Variants in KCNJ3 observed in about 807,000 individuals in gnomAD.
KCNJ3 encodes the protein potassium inwardly rectifying channel subfamily J member 3, also known as G protein-activated inward rectifier potassium channel 1.
A neutral mutation model predicts 39.2 loss-of-function variants in KCNJ3; 4 were observed. The ratio of observed to expected loss-of-function variants is 0.10; its 90% confidence interval spans 0.05 to 0.23. The LOEUF (loss-of-function observed/expected upper bound fraction) is 0.23. Ranked by LOEUF, KCNJ3 falls within the 10% of genes least tolerant of loss-of-function variation. The probability of loss-of-function intolerance (pLI) is 1.00; values close to 1 mark genes in which losing one functional copy is unlikely to be tolerated. For synonymous variants in KCNJ3, 230 were observed against 237.4 expected, an observed-to-expected ratio of 0.97 and a Z score of 0.29; for missense variants, 276 against 634.9, an observed-to-expected ratio of 0.43 and a Z score of 6.08.
intron 2 of KCNJ3, among the ~76,000 whole-genome samples, chr2:154,736,084 T>C (rs1685524062): frequency 6.6e-6 from 1 of 152,156 alleles, no homozygotes; most frequent in East Asian, 1.9e-4. Context: ...CTTTCCTTTC[T>C]GGAAACTTGC....
chr2:154,842,492 C>A (rs1687591941), intron 2 of KCNJ3, among the ~76,000 whole-genome samples: 1 of 152,094 alleles, frequency 6.6e-6, no homozygotes, highest in Non-Finnish European at 1.5e-5. Context: ...TCCTGGATAT[C>A]CTTGTTAACC....
At chr2:154,780,149 T>C (rs549481263) in intron 2 of KCNJ3, among the ~76,000 whole-genome samples, 1 of 152,276 alleles carries the variant, frequency 6.6e-6, no homozygotes, top group South Asian at 2.1e-4. Flanking sequence ...GAGGAGTTTT[T>C]GAGACACACT....
intron 2 of KCNJ3, among the ~76,000 whole-genome samples, chr2:154,730,500 T>C (rs970406661): frequency 4.6e-5 from 7 of 152,192 alleles, no homozygotes; most frequent in African/African-American, 1.7e-4. Flanking sequence ...TTTAGTATTT[T>C]TCCCATAAAA....
At chr2:154,853,905 A>G (rs1687797562) in intron 2 of KCNJ3, among the ~76,000 whole-genome samples, 1 of 152,198 alleles carries the variant, frequency 6.6e-6, no homozygotes, top group South Asian at 2.1e-4. Context: ...ATATTCCTAG[A>G]GCAGGAATGG....
chr2:154,721,697 C>A (rs1685265784), intron 2 of KCNJ3, among the ~76,000 whole-genome samples: 1 of 151,732 alleles, frequency 6.6e-6, no homozygotes, highest in Non-Finnish European at 1.5e-5. Context: ...ATCTTAGCTA[C>A]CATCAAGTTG....
At chr2:154,746,304 G>A (rs577610810) in intron 2 of KCNJ3, among the ~76,000 whole-genome samples, 6 of 151,820 alleles carry the variant, frequency 4.0e-5, no homozygotes, top group Non-Finnish European at 7.4e-5. Flanking sequence ...AAAGTCAAAA[G>A]TTGTATGTAA....
rs145438170 is a variant in KCNJ3, at chr2:154,852,989, G to T, written c.920-1738G>T. ...AACAACAATTTAAAAAAAAACCCAC[G>T]CATAGAAATAGGATGATACTTTTTT... is the stretch of plus-strand genomic sequence containing the variant. On this transcript the variant is annotated intron_variant, in intron 2 of 2. Transcript: ENST00000295101. Among the ~76,000 whole-genome samples, 421 of 151,884 alleles carry T rather than the reference G, an allele frequency of 2.8e-3. 3 individuals carry two copies. The highest frequency in any genetic ancestry group is 9.5e-3 in the African/African-American group (395 of 41,464).
intron 2 of KCNJ3, among the ~76,000 whole-genome samples, chr2:154,778,047 G>T (rs1191739146): frequency 6.6e-6 from 1 of 152,064 alleles, no homozygotes; most frequent in Non-Finnish European, 1.5e-5. Context: ...TCACAAAGGA[G>T]AGTAACAATT....
chr2:154,783,862 C>T (rs1369045740), intron 2 of KCNJ3, among the ~76,000 whole-genome samples: 1 of 152,030 alleles, frequency 6.6e-6, no homozygotes, highest in South Asian at 2.1e-4. Context: ...ATGCTGCAAC[C>T]TTAGAATAAA....
intron 2 of KCNJ3, among the ~76,000 whole-genome samples, chr2:154,831,242 T>G (rs1044411274): frequency 6.6e-6 from 1 of 152,160 alleles, no homozygotes; most frequent in Non-Finnish European, 1.5e-5. Flanking sequence ...TTTCAGGTGA[T>G]AAGTACAGTT....
intron 2 of KCNJ3, among the ~76,000 whole-genome samples, chr2:154,821,585 G>A (rs954109474): frequency 1.3e-5 from 2 of 149,524 alleles, no homozygotes; most frequent in African/African-American, 4.9e-5. Context: ...CAGTGACTGA[G>A]CAGATATGCT....
chr2:154,764,006 T>C (rs145220475), intron 2 of KCNJ3, among the ~76,000 whole-genome samples: 11 of 152,302 alleles, frequency 7.2e-5, no homozygotes, highest in Middle Eastern at 3.4e-3. Flanking sequence ...GTCTATAAAT[T>C]AGGATGTTGC....
intron 2 of KCNJ3, among the ~76,000 whole-genome samples, chr2:154,822,347 T>C (rs1026806129): frequency 6.6e-6 from 1 of 152,194 alleles, no homozygotes; most frequent in Non-Finnish European, 1.5e-5. Flanking sequence ...ATAATTATCT[T>C]GAACCACTGA....
chr2:154,804,158 C>G (rs1398968559), intron 2 of KCNJ3, among the ~76,000 whole-genome samples: 2 of 151,982 alleles, frequency 1.3e-5, no homozygotes, highest in Non-Finnish European at 2.9e-5. Flanking sequence ...ATATCTGTTT[C>G]AACGAGTAGT....
At chr2:154,724,384 C>A (rs183481404) in intron 2 of KCNJ3, among the ~76,000 whole-genome samples, 1 of 152,136 alleles carries the variant, frequency 6.6e-6, no homozygotes, top group East Asian at 1.9e-4. Flanking sequence ...TCAGTAAGTG[C>A]TGACTATAGA....
In KCNJ3 at chr2:154,699,068, T is replaced by C. The variant is rs747717603; in HGVS notation, c.293T>C (p.Met98Thr). 6.2e-7 allele frequency: 1 copy of C among 1,614,236 alleles called. No individual in the cohort carries two copies. The highest frequency in any genetic ancestry group is 8.5e-7 in the Non-Finnish European group (1 of 1,180,046). Residue 98 changes from methionine (M) to threonine (T), a missense_variant, in exon 1 of 3, where the codon ATG (methionine) becomes ACG (threonine). Met to Thr is a moderately conservative substitution (Grantham distance 81, BLOSUM62 -1). This residue lies in a region of KCNJ3 where 46 missense variants were observed against 206.6 expected (regional missense o/e 0.22). Coordinates refer to ENST00000295101, the MANE Select transcript of KCNJ3 (RefSeq NM_002239.4). The surrounding 1 kb of genome is among the most constrained non-coding windows in gnomAD (Gnocchi z 6.4). Reference protein sequence around the residue: ...ILTYTVAWLFMASMWWVIAYT... With the variant: ...ILTYTVAWLFTASMWWVIAYT... ...ACCTACACCGTGGCCTGGCTTTTCA[T>C]GGCGTCCATGTGGTGGGTGATCGCC... is the stretch of plus-strand genomic sequence containing the variant.
rs1191234143 is a variant in KCNJ3, at chr2:154,699,086, T to C, written c.311T>C (p.Val104Ala). 1 of 1,614,216 alleles carries C rather than the reference T, an allele frequency of 6.2e-7. No individual in the cohort carries two copies. ...CTTTTCATGGCGTCCATGTGGTGGG[T>C]GATCGCCTACACTCGGGGCGACCTG... The part of the protein sequence containing the change: ...AWLFMASMWW[V>A]IAYTRGDLNK... Residue 104 changes from valine (V) to alanine (A), a missense_variant, in exon 1 of 3, where the codon GTG becomes GCG. Physicochemically the swap from Val to Ala is moderately conservative, Grantham distance 64. Around this residue, in one of 4 missense-constraint regions of KCNJ3, gnomAD observed 46 missense variants for 206.6 expected, o/e 0.22. Transcript: ENST00000295101. This position sits in a 1 kb window ranked among gnomAD's most constrained non-coding sequence, Gnocchi z 6.4.
intron 2 of KCNJ3, among the ~76,000 whole-genome samples, chr2:154,714,658 A>G (rs144213360): frequency 1.2e-4 from 19 of 152,348 alleles, no homozygotes; most frequent in East Asian, 9.6e-4. Context: ...CCCTCAAATT[A>G]TATCCTCATT....
At chr2:154,707,390 G>A (rs1275122263) in intron 1 of KCNJ3, among the ~76,000 whole-genome samples, 1 of 152,008 alleles carries the variant, frequency 6.6e-6, no homozygotes, top group Admixed American at 6.6e-5. Flanking sequence ...AACTACTTTG[G>A]TAAAAATAAA....
Sources: gnomAD v4.1 joint callset for allele counts (sites outside exome capture counted in the v4.1 genomes callset) on GRCh38, gnomAD v4.1.1 for gene constraint, gnomAD v4.1.1 regional missense constraint, Gnocchi (gnomAD v3.1) non-coding constraint, MANE v1.5 for transcripts, NCBI Gene and HGNC (gene_info 2026-07-23, HGNC 2026-07-21) for gene names.